The following TRIO variants were observed in gnomAD, a reference collection of about 807,000 sequenced individuals.
The protein encoded by TRIO is triple functional domain protein.
Under a neutral mutation model 351.9 loss-of-function variants are expected in TRIO, and 58 were observed. The observed-to-expected ratio is 0.16, with a 90% confidence interval of 0.13 to 0.21. The LOEUF is 0.21. TRIO is among the 10% of genes least tolerant of loss of function. TRIO has a pLI of 1.00. For synonymous variants in TRIO, 1,758 were observed against 1,595.7 expected (o/e 1.10, Z -2.42); for missense variants, 3,201 against 4,027.8 (o/e 0.79, Z 5.56).
At chr5:14,315,699 C>CT (rs61596416) in intron 8 of TRIO, among the ~76,000 whole-genome samples, 76 of 152,268 alleles carry the variant, frequency 5.0e-4, no homozygotes, top group African/African-American at 1.7e-3. Flanking sequence ...CTGATTGTCA[C>CT]TTTTTTTCCC....
At chr5:14,181,828 G>A (rs1353917509) in intron 1 of TRIO, among the ~76,000 whole-genome samples, 2 of 152,082 alleles carry the variant, frequency 1.3e-5, no homozygotes, top group African/African-American at 2.4e-5. Context: ...GCCCCTCCCG[G>A]CCTGGGCTCT....
At chr5:14,318,072 G>T (rs1273494980) in intron 9 of TRIO, among the ~76,000 whole-genome samples, 1 of 150,930 alleles carries the variant, frequency 6.6e-6, no homozygotes, top group Non-Finnish European at 1.5e-5. Flanking sequence ...GGTTGCAGTG[G>T]GCCGATTATT....
At chr5:14,186,112 G>T (rs1790098711) in intron 1 of TRIO, among the ~76,000 whole-genome samples, 1 of 152,166 alleles carries the variant, frequency 6.6e-6, no homozygotes, top group African/African-American at 2.4e-5. Flanking sequence ...GACTATGCTG[G>T]AAAATAAATT....
intron 1 of TRIO, among the ~76,000 whole-genome samples, chr5:14,167,273 G>A (rs759197107): frequency 2.4e-4 from 37 of 151,788 alleles, no homozygotes; most frequent in Non-Finnish European, 4.0e-4. Context: ...AAGTTCTTGG[G>A]TATATTTTTA....
At chr5:14,298,788 A>G (rs1258630744) in intron 7 of TRIO, among the ~76,000 whole-genome samples, 2 of 152,204 alleles carry the variant, frequency 1.3e-5, no homozygotes, top group East Asian at 1.9e-4. Flanking sequence ...TCTACTTTCT[A>G]ACTTTTTGCA....
At chr5:14,462,604 A>G in intron 35 of TRIO, 151 bp from the exon 36 acceptor site, 1 of 1,078,686 alleles carries the variant, frequency 9.3e-7, no homozygotes. Flanking sequence ...TAGCAGGAAG[A>G]GAGGAAAAGT....
At chr5:14,351,789 A>T (rs1743151087) in intron 11 of TRIO, among the ~76,000 whole-genome samples, 1 of 152,142 alleles carries the variant, frequency 6.6e-6, no homozygotes. Flanking sequence ...CTGGGTTCAA[A>T]CTGCATCAGC....
chr5:14,496,463 G>A (rs1195421818), intron 49 of TRIO, among the ~76,000 whole-genome samples: 1 of 152,190 alleles, frequency 6.6e-6, no homozygotes, highest in Non-Finnish European at 1.5e-5. Flanking sequence ...CAGACTTTTT[G>A]TGTTCCCTTA....
intron 1 of TRIO, among the ~76,000 whole-genome samples, chr5:14,159,630 A>G (rs1788319112): frequency 6.7e-6 from 1 of 149,988 alleles, no homozygotes; most frequent in South Asian, 2.1e-4. Context: ...GTGCAGTGGC[A>G]CGACCTCGGC....
intron 1 of TRIO, among the ~76,000 whole-genome samples, chr5:14,208,369 A>G (rs1166591090): frequency 6.6e-6 from 1 of 152,218 alleles, no homozygotes; most frequent in Non-Finnish European, 1.5e-5. Context: ...ACCTGAGTGA[A>G]CCTCACTGAC....
At chr5:14,502,481 C>T in intron 53 of TRIO, 98 bp from the exon 54 acceptor site, 2 of 1,207,654 alleles carry the variant, frequency 1.7e-6, no homozygotes, top group Non-Finnish European at 2.4e-6. Flanking sequence ...GCCCGGTGGC[C>T]ACGCGCAGCT....
At chr5:14,207,797 A>T (rs981431286) in intron 1 of TRIO, among the ~76,000 whole-genome samples, 1 of 152,222 alleles carries the variant, frequency 6.6e-6, no homozygotes, top group East Asian at 1.9e-4. Flanking sequence ...AGGATTTTTA[A>T]TCCAGAATAT....
In TRIO at chr5:14,462,751, T is replaced by G; in HGVS notation, c.5497-4T>G. 6.2e-7 allele frequency: 1 copy of G among 1,614,014 alleles called. No homozygotes were observed. The highest frequency in any genetic ancestry group is 1.1e-5 in the South Asian group (1 of 91,080). On this transcript the variant is annotated splice_region_variant and splice_polypyrimidine_tract_variant and intron_variant, in intron 35 of 56. Coordinates refer to ENST00000344204, the MANE Select transcript of TRIO (RefSeq NM_007118.4). ...ATAATGAGCAAATCTTGACTGGATT[T>G]CAGAGAGGCCGGAACGAGGGCCTGA...
At chr5:14,340,754 C>T (rs1561362886) in intron 11 of TRIO, among the ~76,000 whole-genome samples, 1 of 152,136 alleles carries the variant, frequency 6.6e-6, no homozygotes, top group Non-Finnish European at 1.5e-5. Context: ...CTCTTAGACT[C>T]CAAAAACTGA....
intron 23 of TRIO, 106 bp from the exon 24 acceptor site, chr5:14,388,507 A>C: frequency 1.8e-6 from 2 of 1,113,548 alleles, no homozygotes; most frequent in Non-Finnish European, 1.3e-6. Context: ...GATCAATCTA[A>C]GACTAATACT....
At chr5:14,439,696 T>TG (rs1434463799) in intron 34 of TRIO, among the ~76,000 whole-genome samples, 2 of 152,226 alleles carry the variant, frequency 1.3e-5, no homozygotes, top group Admixed American at 6.5e-5. Context: ...TGCCTCTCGC[T>TG]GGGTCCTGGC....
At position 14,496,919 on chromosome 5, in the gene TRIO, A is replaced by C; in HGVS notation, c.7921A>C (p.Lys2641Gln). 2 of 1,614,234 alleles carry C rather than the reference A, an allele frequency of 1.2e-6. No homozygotes were observed. Among genetic ancestry groups the C allele is most frequent in the Non-Finnish European group, 8.5e-7 (1 of 1,180,050 alleles). ...SWHTALRLRK[K>Q]SEKKDKDGKR... ...GCACACAGCACTCCGTTTAAGGAAA[A>C]AATCTGAGAAAAAAGATAAAGACGG... The change falls in exon 50 of 57, where the codon AAA (lysine) becomes CAA (glutamine). Residue 2641 changes from lysine to glutamine, a missense_variant. Coordinates refer to ENST00000344204, the MANE Select transcript of TRIO (RefSeq NM_007118.4).
chr5:14,267,220 T>C (rs1795735413), intron 1 of TRIO, among the ~76,000 whole-genome samples: 1 of 152,188 alleles, frequency 6.6e-6, no homozygotes, highest in South Asian at 2.1e-4. Flanking sequence ...TTTACCAAAT[T>C]TCTCTTTGTG....
At chr5:14,298,916 C>T (rs1053214292) in intron 7 of TRIO, among the ~76,000 whole-genome samples, 7 of 152,330 alleles carry the variant, frequency 4.6e-5, no homozygotes, top group South Asian at 2.1e-4. Context: ...TAGCCATCTC[C>T]GATCCTTATC....
Sources: gnomAD v4.1 joint callset for allele counts (sites outside exome capture counted in the v4.1 genomes callset) on GRCh38, gnomAD v4.1.1 for gene constraint, MANE v1.5 for transcripts, NCBI Gene and HGNC (gene_info 2026-07-23, HGNC 2026-07-21) for gene names.